Variants in PTH2R observed in about 807,000 individuals in gnomAD.
PTH2R encodes the protein parathyroid hormone 2 receptor.
PTH2R carries 59 observed loss-of-function variants against 60.3 expected under a neutral mutation model. The ratio of observed to expected loss-of-function variants is 0.98; its 90% CI spans 0.79 to 1.22. The LOEUF is 1.22. Ranked by LOEUF, PTH2R falls within the 50% of genes most tolerant of loss-of-function variation. The pLI is 0.00. For missense variants in PTH2R, 749 were observed against 682.6 expected (o/e 1.10, Z -1.08); for synonymous variants, 256 against 243.8 (o/e 1.05, Z -0.47).
chr2:208,422,998 T>C (rs1701787456), intron 1 of PTH2R, among the ~76,000 whole-genome samples: 1 of 152,146 alleles, frequency 6.6e-6, no homozygotes. Flanking sequence ...TGGTTGGCTT[T>C]CTAGAAGCTT....
chr2:208,378,234 G>A (rs1209221576), intron 1 of PTH2R, among the ~76,000 whole-genome samples: 4 of 150,432 alleles, frequency 2.7e-5, no homozygotes, highest in African/African-American at 4.9e-5. Flanking sequence ...CCAGTCAGGC[G>A]TGGCGGCGCG....
intron 1 of PTH2R, among the ~76,000 whole-genome samples, chr2:208,378,481 G>T (rs1700852849): frequency 6.6e-6 from 1 of 152,072 alleles, no homozygotes; most frequent in Non-Finnish European, 1.5e-5. Flanking sequence ...AAATTCATAG[G>T]TTGAAATCTT....
upstream of PTH2R, among the ~76,000 whole-genome samples, chr2:208,403,698 G>GGCT (rs1701350228): frequency 6.6e-6 from 1 of 152,174 alleles, no homozygotes; most frequent in Non-Finnish European, 1.5e-5. Flanking sequence ...AATTTGGACA[G>GGCT]GCTCTTCTCT....
In PTH2R at chr2:208,489,003, C is replaced by T. The variant is rs1355290833; in HGVS notation, c.1077-9C>T. ...TTAATGAATGAAAAGACTTGCTGTT[C>T]TCCTTTAGGAAACTGGCCAAATCGA... On this transcript the variant is annotated splice_polypyrimidine_tract_variant and intron_variant, in intron 10 of 12. Coordinates refer to ENST00000272847, the MANE Select transcript of PTH2R (RefSeq NM_005048.4). The T allele has an allele frequency of 4.3e-6, 7 of 1,613,546 alleles. No homozygotes were observed. The highest frequency in any genetic ancestry group is 1.1e-5 in the South Asian group (1 of 91,002).
At chr2:208,460,608 G>A (rs1344061707) in intron 9 of PTH2R, among the ~76,000 whole-genome samples, 1 of 152,084 alleles carries the variant, frequency 6.6e-6, no homozygotes, top group Admixed American at 6.6e-5. Context: ...AATGCACATT[G>A]CATCTGTGTT....
intron 2 of PTH2R, among the ~76,000 whole-genome samples, chr2:208,434,529 A>C (rs1376296729): frequency 6.6e-6 from 1 of 152,176 alleles, no homozygotes; most frequent in Non-Finnish European, 1.5e-5. Flanking sequence ...AGGAAAAAAA[A>C]TTTCCATAGC....
chr2:208,398,284 A>G lies in PTH2R; in HGVS notation c.-258-29917A>G, dbSNP rs564235671. 5.2e-5 allele frequency among the ~76,000 whole-genome samples: 8 copies of G among 152,390 alleles called. No individual in the cohort carries two copies. In the South Asian group the frequency reaches 1.7e-3, roughly 32 times the overall value. On this transcript the variant is annotated intron_variant, in intron 1 of 12. Coordinates refer to the PTH2R transcript ENST00000617735. ...TTTACTTAATTTTTAACATATAAAT[A>G]GAGTCACATTTATCACTCCTTGGCA...
At chr2:208,403,764 A>G (rs1008610334), upstream of PTH2R, among the ~76,000 whole-genome samples, 2 of 152,172 alleles carry the variant, frequency 1.3e-5, no homozygotes, top group Admixed American at 6.5e-5. Flanking sequence ...TTCAGTTCCA[A>G]CATGGCTCAT....
chr2:208,459,886 A>G lies in PTH2R; in HGVS notation c.915-9A>G, dbSNP rs140871825. 1.2e-4 allele frequency: 196 copies of G among 1,610,920 alleles called. No homozygotes were observed. The highest frequency in any genetic ancestry group is 5.0e-4 in the Middle Eastern group (3 of 6,048). Reference sequence around the variant, plus strand: ...ATTTATTCATGACAGCTTTTTTTCAATGTCTCAGGTGCTGGGAACTTAGTG... The same window carrying G: ...ATTTATTCATGACAGCTTTTTTTCAGTGTCTCAGGTGCTGGGAACTTAGTG... On this transcript the variant is annotated splice_polypyrimidine_tract_variant and intron_variant, in intron 8 of 12. Coordinates refer to ENST00000272847, the MANE Select transcript of PTH2R (RefSeq NM_005048.4).
chr2:208,412,452 C>CA (rs1459104009), intron 1 of PTH2R, among the ~76,000 whole-genome samples: 1 of 152,122 alleles, frequency 6.6e-6, no homozygotes, highest in Non-Finnish European at 1.5e-5. Context: ...TGGCAGGAAA[C>CA]AGTCTTCTTG....
chr2:208,470,943 T>A (rs1702867071), intron 9 of PTH2R, among the ~76,000 whole-genome samples: 1 of 152,164 alleles, frequency 6.6e-6, no homozygotes, highest in African/African-American at 2.4e-5. Context: ...TGAGGAACTT[T>A]TTGGGAACTG....
intron 1 of PTH2R, among the ~76,000 whole-genome samples, chr2:208,378,345 C>T (rs1268214933): frequency 1.3e-5 from 2 of 151,750 alleles, no homozygotes; most frequent in East Asian, 3.9e-4. Flanking sequence ...TTTGGCTCGG[C>T]ATCAGAGGGA....
At chr2:208,399,760 A>T (rs1701273452) in intron 1 of PTH2R, among the ~76,000 whole-genome samples, 1 of 152,174 alleles carries the variant, frequency 6.6e-6, no homozygotes, top group Non-Finnish European at 1.5e-5. Context: ...ATGAGACAAC[A>T]TCTTCTGAGT....
At chr2:208,445,033 C>CCTG in intron 7 of PTH2R, 146 bp downstream of exon 7, 1 of 888,396 alleles carries the variant, frequency 1.1e-6, no homozygotes, top group Non-Finnish European at 1.6e-6. Context: ...TTGTTCTATT[C>CCTG]TTAGACAAAA....
chr2:208,372,064 G>A (rs1031681187), intron 1 of PTH2R, among the ~76,000 whole-genome samples: 2 of 151,992 alleles, frequency 1.3e-5, no homozygotes, highest in Non-Finnish European at 2.9e-5. Context: ...TGGGATTACA[G>A]GTGCCCGCCA....
intron 1 of PTH2R, among the ~76,000 whole-genome samples, chr2:208,427,462 A>C (rs1701879707): frequency 6.6e-6 from 1 of 152,168 alleles, no homozygotes; most frequent in Admixed American, 6.5e-5. Context: ...TTCAACCCCC[A>C]AAATTAGTTT....
chr2:208,369,209 C>G lies in PTH2R; in HGVS notation c.-259+8972C>G, dbSNP rs140255856. ...GTTTCTCTGCCAGGTGTTTCACAAC[C>G]TGTTTTACCCTCATAGCCTAACAGA... is the stretch of plus-strand genomic sequence containing the variant. On this transcript the variant is annotated intron_variant, in intron 1 of 12. Coordinates refer to the PTH2R transcript ENST00000617735. Among the ~76,000 whole-genome samples, 402 of 152,124 alleles carry G rather than the reference C, an allele frequency of 2.6e-3. 2 individuals are homozygous for G. Among genetic ancestry groups the G allele is most frequent in the African/African-American group, 8.8e-3 (364 of 41,430 alleles).
In PTH2R at chr2:208,375,148, T is replaced by C. The variant is rs552289469; in HGVS notation, c.-259+14911T>C. Among the ~76,000 whole-genome samples the C allele has an allele frequency of 3.9e-5, 6 of 152,264 alleles. No individual in the cohort carries two copies. In the South Asian group the frequency reaches 8.3e-4, roughly 21 times the overall value. On this transcript the variant is annotated intron_variant, in intron 1 of 12. Coordinates refer to the PTH2R transcript ENST00000617735. ...TTACTTTTTTAATTTCAGAGAGTTA[T>C]GTTGGTTGCAAAAATCTTTGTTTTC...
chr2:208,365,129 T>G (rs930712120), intron 1 of PTH2R, among the ~76,000 whole-genome samples: 3 of 152,072 alleles, frequency 2.0e-5, no homozygotes, highest in African/African-American at 7.2e-5. Context: ...AATTTTTACT[T>G]CTTTCTTCCC....
Sources: gnomAD v4.1 joint callset for allele counts (sites outside exome capture counted in the v4.1 genomes callset) on GRCh38, gnomAD v4.1.1 for gene constraint, MANE v1.5 for transcripts, NCBI Gene and HGNC (gene_info 2026-07-23, HGNC 2026-07-21) for gene names.